The following SUPT3H variants were observed in gnomAD, a reference collection of about 807,000 sequenced individuals.
SUPT3H encodes the protein transcription initiation protein SPT3 homolog.
SUPT3H carries 44 observed loss-of-function variants against 44.3 expected under a neutral mutation model. The observed-to-expected ratio is 0.99, with a 90% CI of 0.78 to 1.28. SUPT3H has a LOEUF of 1.28. Ranked by LOEUF, SUPT3H falls within the 50% of genes most tolerant of loss-of-function variation. The pLI, the probability that SUPT3H is intolerant of heterozygous loss-of-function variation, is 0.00. For synonymous variants in SUPT3H, 124 were observed against 125.6 expected (o/e 0.99, Z 0.09); for missense variants, 380 against 387.1 (o/e 0.98, Z 0.15).
chr6:45,252,363 G>A (rs1490372674), intron 2 of SUPT3H, among the ~76,000 whole-genome samples: 1 of 152,110 alleles, frequency 6.6e-6, no homozygotes, highest in Admixed American at 6.5e-5. Context: ...GCTTCAATAT[G>A]TTTCTGATGC....
intron 3 of SUPT3H, among the ~76,000 whole-genome samples, chr6:45,104,481 A>C (rs565397392): frequency 9.4e-5 from 14 of 149,362 alleles, no homozygotes; most frequent in Admixed American, 4.7e-4. Flanking sequence ...TATCTTTCAA[A>C]TCATCCTTCC....
At chr6:45,059,329 A>G (rs1020817315) in intron 3 of SUPT3H, among the ~76,000 whole-genome samples, 1 of 152,180 alleles carries the variant, frequency 6.6e-6, no homozygotes, top group African/African-American at 2.4e-5. Flanking sequence ...AGAACTAAAG[A>G]CAAAAACCAT....
intron 2 of SUPT3H, among the ~76,000 whole-genome samples, chr6:45,156,621 A>G (rs559104028): frequency 9.9e-5 from 15 of 151,600 alleles, no homozygotes; most frequent in Non-Finnish European, 2.2e-4. Flanking sequence ...AAAATGTTAA[A>G]TCAGTGTCAG....
chr6:45,102,110 AAAC>A (rs1438108830), intron 3 of SUPT3H, among the ~76,000 whole-genome samples: 1 of 152,206 alleles, frequency 6.6e-6, no homozygotes, highest in Admixed American at 6.5e-5. Context: ...TGAAAAAAGA[AAAC>A]AAAACAGATT....
intron 2 of SUPT3H, among the ~76,000 whole-genome samples, chr6:45,125,137 G>C (rs573896662): frequency 6.6e-6 from 1 of 152,274 alleles, no homozygotes; most frequent in African/African-American, 2.4e-5. Flanking sequence ...GTAAGTTTCT[G>C]TTGCTTTAAG....
rs539542275 is a variant in SUPT3H, at chr6:44,902,539, T to G, written c.912+30114A>C. Among the ~76,000 whole-genome samples the G allele has an allele frequency of 4.6e-5, 7 of 152,204 alleles. No individual in the cohort carries two copies. In the East Asian group the frequency reaches 1.4e-3, roughly 29 times the overall value. On this transcript the variant is annotated intron_variant, in intron 10 of 10. Transcript: ENST00000371459. Reference sequence around the variant, plus strand: ...GCACCCAGATTCATAAAGCAAGTCCTCAGAGACCTACAAAGAGACTTAGAC... The same window carrying G: ...GCACCCAGATTCATAAAGCAAGTCCGCAGAGACCTACAAAGAGACTTAGAC...
At chr6:45,263,164 C>T (rs184856093) in intron 2 of SUPT3H, among the ~76,000 whole-genome samples, 1 of 152,226 alleles carries the variant, frequency 6.6e-6, no homozygotes, top group Admixed American at 6.6e-5. Context: ...AATCATTCCA[C>T]CAGATAGACA....
chr6:45,099,842 A>G (rs1014622139), intron 3 of SUPT3H, among the ~76,000 whole-genome samples: 1 of 152,176 alleles, frequency 6.6e-6, no homozygotes, highest in African/African-American at 2.4e-5. Flanking sequence ...TTTTGTTTTC[A>G]GGATAATTAA....
At chr6:45,164,068 G>T (rs1010939848) in intron 2 of SUPT3H, among the ~76,000 whole-genome samples, 7 of 152,114 alleles carry the variant, frequency 4.6e-5, no homozygotes, top group African/African-American at 1.7e-4. Flanking sequence ...CATATTCCCA[G>T]CTAAGGTCTA....
chr6:45,010,113 T>G (rs1554204084), intron 5 of SUPT3H, among the ~76,000 whole-genome samples: 1 of 152,166 alleles, frequency 6.6e-6, no homozygotes, highest in Non-Finnish European at 1.5e-5. Flanking sequence ...AATGGCATTG[T>G]TTTCTTAATT....
chr6:44,881,105 C>T (rs1440958195), intron 10 of SUPT3H, among the ~76,000 whole-genome samples: 2 of 152,014 alleles, frequency 1.3e-5, no homozygotes, highest in Admixed American at 6.6e-5. Context: ...CAGACTGGCA[C>T]ATTGGATAAG....
At chr6:45,284,802 T>A (rs1778903296) in intron 2 of SUPT3H, among the ~76,000 whole-genome samples, 1 of 151,966 alleles carries the variant, frequency 6.6e-6, no homozygotes, top group Non-Finnish European at 1.5e-5. Flanking sequence ...AAAAGAGAAG[T>A]TTAGACCAAT....
At chr6:45,134,219 C>T (rs898909137) in intron 2 of SUPT3H, among the ~76,000 whole-genome samples, 11 of 152,174 alleles carry the variant, frequency 7.2e-5, no homozygotes, top group Middle Eastern at 3.4e-3. Context: ...CAAGCGAGGG[C>T]CGAACTCACT....
intron 2 of SUPT3H, among the ~76,000 whole-genome samples, chr6:45,211,933 G>GT (rs1045511627): frequency 1.3e-5 from 2 of 151,440 alleles, no homozygotes; most frequent in African/African-American, 4.9e-5. Context: ...GGAGGCTGAG[G>GT]TGGGCGAATC....
intron 11 of SUPT3H, among the ~76,000 whole-genome samples, chr6:44,815,296 C>CAA (rs1766834542): frequency 6.6e-6 from 1 of 152,068 alleles, no homozygotes; most frequent in South Asian, 2.1e-4. Flanking sequence ...CCAAGAAATA[C>CAA]AAGTTAGCAT....
At chr6:44,928,745 C>T (rs939749501) in intron 10 of SUPT3H, among the ~76,000 whole-genome samples, 26 of 150,954 alleles carry the variant, frequency 1.7e-4, no homozygotes, top group Middle Eastern at 3.4e-3. Flanking sequence ...TAGCTGGGCG[C>T]AGTGGCGGGC....
At chr6:45,358,892 G>C (rs558151083) in intron 2 of SUPT3H, among the ~76,000 whole-genome samples, 23 of 152,202 alleles carry the variant, frequency 1.5e-4, no homozygotes, top group African/African-American at 5.3e-4. Context: ...AATTAGTTCA[G>C]AACAGAGACT....
intron 2 of SUPT3H, among the ~76,000 whole-genome samples, chr6:45,174,264 T>C (rs954739819): frequency 6.6e-6 from 1 of 152,242 alleles, no homozygotes; most frequent in East Asian, 1.9e-4. Flanking sequence ...AGATTACCCA[T>C]TGATGTGATC....
intron 2 of SUPT3H, among the ~76,000 whole-genome samples, chr6:45,115,812 GAAT>G (rs1368106439): frequency 6.6e-6 from 1 of 152,102 alleles, no homozygotes; most frequent in Non-Finnish European, 1.5e-5. Context: ...GTCAGGCACT[GAAT>G]ATTATACTAG....
Sources: allele counts gnomAD v4.1 joint callset (sites outside exome capture counted in the v4.1 genomes callset), GRCh38; gene constraint gnomAD v4.1.1; transcripts MANE v1.5; gene names NCBI Gene and HGNC (gene_info 2026-07-23, HGNC 2026-07-21).